Variants in TDRD3 observed in about 807,000 individuals in gnomAD.
TDRD3 encodes the protein tudor domain containing 3, also known as tudor domain-containing protein 3.
Under a neutral mutation model 86.7 loss-of-function variants are expected in TDRD3, and 45 were observed. That is an observed-to-expected ratio of 0.52 (90% CI 0.41 to 0.67). The LOEUF (loss-of-function observed/expected upper bound fraction) is 0.67. Ranked by LOEUF, TDRD3 falls within the 30% of genes least tolerant of loss-of-function variation. TDRD3 has a pLI of 0.00. For synonymous variants in TDRD3, 298 were observed against 301.7 expected (o/e 0.99, Z 0.13); for missense variants, 814 against 889.0 (o/e 0.92, Z 1.07).
chr13:60,483,829 T>G lies in TDRD3; in HGVS notation c.550T>G (p.Phe184Val), dbSNP rs1340370395. The G allele has an allele frequency of 6.2e-6, 10 of 1,613,302 alleles. No individual in the cohort carries two copies. Among genetic ancestry groups the G allele is most frequent in the Non-Finnish European group, 8.5e-6 (10 of 1,179,582 alleles). ...NIGTEGGPPP[F>V]VPFGQKCVSH... ...TGGAACTGAAGGTGGACCACCGCCTTTTGTGCCTTTTGGACAGGTAATGAC... is the reference window on the plus strand; with the variant it reads ...TGGAACTGAAGGTGGACCACCGCCTGTTGTGCCTTTTGGACAGGTAATGAC... Residue 184 changes from phenylalanine (F) to valine (V), a missense_variant, in exon 6 of 14, where the codon TTT becomes GTT. Physicochemically the swap from Phe to Val is conservative, Grantham distance 50. Coordinates refer to ENST00000377881, the MANE Select transcript of TDRD3 (RefSeq NM_001146070.2).
chr13:60,511,727 A>G lies in TDRD3; in HGVS notation c.1141+972A>G, dbSNP rs78827203. ...TTACAGGCTCACCCATTCTAGCAGA[A>G]TTCATTTTCTTGTGGAAATGAAGTC... On this transcript the variant is annotated intron_variant, in intron 10 of 13. Transcript: ENST00000377881. 5.0e-3 allele frequency among the ~76,000 whole-genome samples: 757 copies of G among 152,262 alleles called. 3 individuals carry two copies. Among genetic ancestry groups the G allele is most frequent in the Middle Eastern group, 0.024 (7 of 294 alleles).
intron 13 of TDRD3, 37 bp from the exon 14 acceptor site, chr13:60,573,579 G>T: frequency 1.0e-6 from 1 of 983,588 alleles, no homozygotes. Context: ...TTAATTTGAG[G>T]CTTCAATTTC....
At chr13:60,483,527 G>A (rs1417389271) in intron 5 of TDRD3, among the ~76,000 whole-genome samples, 2 of 152,132 alleles carry the variant, frequency 1.3e-5, no homozygotes, top group African/African-American at 4.8e-5. Context: ...GGAATGGCCT[G>A]ATAAATATTT....
At chr13:60,473,853 G>A (rs1745141287) in intron 5 of TDRD3, among the ~76,000 whole-genome samples, 2 of 152,142 alleles carry the variant, frequency 1.3e-5, no homozygotes, top group Admixed American at 1.3e-4. Flanking sequence ...ATTACCTAGT[G>A]GACCTTGGCC....
At chr13:60,462,697 G>T (rs570424212) in intron 4 of TDRD3, among the ~76,000 whole-genome samples, 1 of 151,850 alleles carries the variant, frequency 6.6e-6, no homozygotes, top group African/African-American at 2.4e-5. Flanking sequence ...TTATTACAAT[G>T]AAGTGAGATT....
At chr13:60,497,819 G>A (rs1196276327) in intron 8 of TDRD3, among the ~76,000 whole-genome samples, 1 of 152,048 alleles carries the variant, frequency 6.6e-6, no homozygotes, top group African/African-American at 2.4e-5. Flanking sequence ...CCCAGTAATG[G>A]CTTGAGTTTT....
At chr13:60,483,749 C>G (rs111255818) in intron 5 of TDRD3, 26 bp from the exon 6 acceptor site, 1 of 1,593,534 alleles carries the variant, frequency 6.3e-7, no homozygotes, top group Admixed American at 1.7e-5. Flanking sequence ...TATAACTGCT[C>G]TTTTGTGACT....
At chr13:60,455,207 C>T (rs531560138) in intron 3 of TDRD3, among the ~76,000 whole-genome samples, 1 of 152,282 alleles carries the variant, frequency 6.6e-6, no homozygotes, top group African/African-American at 2.4e-5. Flanking sequence ...GCCACCACAC[C>T]TGGCTTATAT....
At chr13:60,416,811 A>G (rs1325804469) in intron 1 of TDRD3, among the ~76,000 whole-genome samples, 1 of 152,140 alleles carries the variant, frequency 6.6e-6, no homozygotes, top group Non-Finnish European at 1.5e-5. Context: ...TAGTGTCTTA[A>G]AATTCACTAT....
At chr13:60,426,752 T>G (rs1160534810) in intron 1 of TDRD3, among the ~76,000 whole-genome samples, 3 of 152,190 alleles carry the variant, frequency 2.0e-5, no homozygotes, top group Non-Finnish European at 2.9e-5. Flanking sequence ...CACAGAGGAA[T>G]TCTATAAAAC....
At chr13:60,447,633 T>C (rs932784949) in intron 3 of TDRD3, among the ~76,000 whole-genome samples, 1 of 152,186 alleles carries the variant, frequency 6.6e-6, no homozygotes, top group Non-Finnish European at 1.5e-5. Context: ...ATCATTATTG[T>C]CTGGGTTTTG....
chr13:60,544,444 A>T (rs1395530904), intron 12 of TDRD3, among the ~76,000 whole-genome samples: 1 of 21,988 alleles, frequency 4.5e-5, no homozygotes, highest in East Asian at 3.7e-4. Context: ...ATATCTCTTT[A>T]AAAAAAAAAA....
At chr13:60,507,896 CCTT>C (rs1290492432) in intron 8 of TDRD3, among the ~76,000 whole-genome samples, 1 of 152,188 alleles carries the variant, frequency 6.6e-6, no homozygotes, top group Non-Finnish European at 1.5e-5. Flanking sequence ...TTCAAAATCT[CCTT>C]AAGCTGATAA....
chr13:60,560,459 A>C (rs1040354942), intron 12 of TDRD3, among the ~76,000 whole-genome samples: 3 of 152,212 alleles, frequency 2.0e-5, no homozygotes, highest in Middle Eastern at 3.2e-3. Context: ...TATTCTGATT[A>C]AAATATGGAT....
At chr13:60,562,459 T>C (rs1037458029) in intron 12 of TDRD3, among the ~76,000 whole-genome samples, 9 of 152,222 alleles carry the variant, frequency 5.9e-5, no homozygotes, top group African/African-American at 2.2e-4. Context: ...TTAAAGTCCA[T>C]TACATGTTTT....
chr13:60,432,286 A>G (rs1241327080), intron 1 of TDRD3, among the ~76,000 whole-genome samples: 1 of 152,068 alleles, frequency 6.6e-6, no homozygotes, highest in Non-Finnish European at 1.5e-5. Context: ...TATCTTTCCA[A>G]TATATCTGTA....
At chr13:60,541,061 A>C (rs1271296395) in intron 12 of TDRD3, among the ~76,000 whole-genome samples, 1 of 152,190 alleles carries the variant, frequency 6.6e-6, no homozygotes. Flanking sequence ...TGGTTAAACA[A>C]ATTTGGAAAA....
At chr13:60,421,929 A>T (rs914518994) in intron 1 of TDRD3, among the ~76,000 whole-genome samples, 5 of 152,214 alleles carry the variant, frequency 3.3e-5, no homozygotes, top group African/African-American at 1.2e-4. Context: ...AATTTGGCTT[A>T]TTAGGAAGAT....
intron 7 of TDRD3, among the ~76,000 whole-genome samples, chr13:60,493,108 C>T (rs1474222821): frequency 2.0e-5 from 3 of 151,254 alleles, no homozygotes; most frequent in Admixed American, 1.3e-4. Context: ...TTAGTAGAAA[C>T]GGGGTTTCAC....
Sources: gnomAD v4.1 joint callset for allele counts (sites outside exome capture counted in the v4.1 genomes callset) on GRCh38, gnomAD v4.1.1 for gene constraint, MANE v1.5 for transcripts, NCBI Gene and HGNC (gene_info 2026-07-23, HGNC 2026-07-21) for gene names.